The following EGFR variants were observed in gnomAD, a reference collection of about 807,000 sequenced individuals.
EGFR encodes the protein epidermal growth factor receptor.
A neutral mutation model predicts 143.0 loss-of-function variants in EGFR; 58 were observed. The observed-to-expected ratio is 0.41, with a 90% CI of 0.33 to 0.50. The LOEUF is 0.50. Ranked by LOEUF, EGFR falls within the 20% of genes least tolerant of loss-of-function variation. EGFR has a pLI of 0.39. For missense variants in EGFR, 1,307 were observed against 1,579.0 expected (o/e 0.83, Z 2.92); for synonymous variants, 613 against 594.4 (o/e 1.03, Z -0.45).
intron 1 of EGFR, among the ~76,000 whole-genome samples, chr7:55,035,919 A>C (rs1787538676): frequency 2.0e-5 from 3 of 151,934 alleles, no homozygotes; most frequent in Admixed American, 2.0e-4. Flanking sequence ...TTGTATATTT[A>C]TTTTGATATC....
chr7:55,149,890 T>C (rs1794944987), intron 4 of EGFR, among the ~76,000 whole-genome samples: 1 of 152,248 alleles, frequency 6.6e-6, no homozygotes, highest in African/African-American at 2.4e-5. Flanking sequence ...CCATGTTTTA[T>C]ATGGGTTTTT....
intron 4 of EGFR, among the ~76,000 whole-genome samples, chr7:55,149,813 T>A (rs1451496338): frequency 6.6e-6 from 1 of 152,180 alleles, no homozygotes; most frequent in Non-Finnish European, 1.5e-5. Flanking sequence ...GTTGAAAAAA[T>A]TATGCAGCAG....
chr7:55,093,815 C>T (rs1024979782), intron 1 of EGFR, among the ~76,000 whole-genome samples: 17 of 152,190 alleles, frequency 1.1e-4, no homozygotes, highest in Non-Finnish European at 8.8e-5. Flanking sequence ...CCATACATTT[C>T]TCTCGGGCAG....
intron 1 of EGFR, among the ~76,000 whole-genome samples, chr7:55,052,081 CT>C (rs1788524073): frequency 6.6e-6 from 1 of 152,202 alleles, no homozygotes; most frequent in Non-Finnish European, 1.5e-5. Flanking sequence ...TGAGAGGACC[CT>C]GGATCCCAGC....
intron 19 of EGFR, among the ~76,000 whole-genome samples, chr7:55,176,914 T>C (rs1350785889): frequency 6.8e-6 from 1 of 147,134 alleles, no homozygotes. Flanking sequence ...TAAATATATA[T>C]CTCTCTCTAA....
intron 19 of EGFR, among the ~76,000 whole-genome samples, chr7:55,178,560 G>A (rs1181293977): frequency 6.6e-6 from 1 of 152,196 alleles, no homozygotes; most frequent in Non-Finnish European, 1.5e-5. Context: ...GCTCAGGGTG[G>A]CCTCAGGTGG....
intron 1 of EGFR, among the ~76,000 whole-genome samples, chr7:55,093,596 T>G (rs992411094): frequency 6.6e-6 from 1 of 152,206 alleles, no homozygotes; most frequent in Admixed American, 6.5e-5. Flanking sequence ...TATCATAAAA[T>G]CTTCTTTCAT....
At chr7:55,091,856 AC>A (rs1791138412) in intron 1 of EGFR, among the ~76,000 whole-genome samples, 1 of 97,318 alleles carries the variant, frequency 1.0e-5, no homozygotes, top group Non-Finnish European at 2.2e-5. Flanking sequence ...AAACACACAC[AC>A]ACACACACAC....
Position 55,174,034 on chromosome 7 carries a change from G to A in EGFR, c.2175G>A (p.Thr725=), listed in dbSNP as rs55959834. The A allele has an allele frequency of 1.2e-4, 187 of 1,614,216 alleles. No individual in the cohort carries two copies. The East Asian group carries it at 2.5e-3, about 22-fold the overall frequency. Residue 725 remains threonine (T), a synonymous_variant, in exon 18 of 28, where the codon ACG becomes ACA. Transcript: ENST00000275493. ...IKVLGSGAFG[T]VYKGLWIPEG... ...TGCTGGGCTCCGGTGCGTTCGGCAC[G>A]GTGTATAAGGTAAGGTCCCTGGCAC...
At position 55,155,793 on chromosome 7, in the gene EGFR, C is replaced by T. The variant is rs201847157; in HGVS notation, c.890-37C>T. On this transcript the variant is annotated intron_variant, in intron 7 of 27. Coordinates refer to ENST00000275493, the MANE Select transcript of EGFR (RefSeq NM_005228.5). Reference sequence around the variant, plus strand: ...TGTGTGAGGCCCGAGCACCTGGTGCCACCGTCATCACCTTCCTTTCATGCT... The same window carrying T: ...TGTGTGAGGCCCGAGCACCTGGTGCTACCGTCATCACCTTCCTTTCATGCT... 9.4e-5 allele frequency: 148 copies of T among 1,578,790 alleles called. 1 individual carries two copies. The African/African-American group carries it at 1.7e-3, about 19-fold the overall frequency.
At chr7:55,190,437 G>C (rs73346615) in intron 20 of EGFR, among the ~76,000 whole-genome samples, 2,649 of 152,128 alleles carry the variant, frequency 0.017, 71 homozygotes, top group African/African-American at 0.056. Context: ...ATGATGACTG[G>C]TTTTGCCTGA....
At chr7:55,066,886 A>T (rs1789537753) in intron 1 of EGFR, among the ~76,000 whole-genome samples, 1 of 152,224 alleles carries the variant, frequency 6.6e-6, no homozygotes, top group African/African-American at 2.4e-5. Flanking sequence ...GATTTCATAT[A>T]GATATTCCAA....
rs1216879039 is a variant in EGFR, at chr7:55,192,679, C to A, written c.2626-87C>A. 4 of 1,253,224 alleles carry A rather than the reference C, an allele frequency of 3.2e-6. No individual in the cohort carries two copies. The African/African-American group carries it at 5.9e-5, about 18-fold the overall frequency. The allele number at this position is 1,253,224 out of a possible 1,614,324, so 77.6% of individuals were successfully genotyped here. ...TGATCTGGCTCGTCTGTGTGTGTCA[C>A]TCGTAATTAGGTCCAGAGTGAGTTA... On this transcript the variant is annotated intron_variant, in intron 21 of 27. Transcript: ENST00000275493.
At position 55,081,657 on chromosome 7, in the gene EGFR, G is replaced by A. The variant is rs182577144; in HGVS notation, c.89-60629G>A. 9.9e-5 allele frequency among the ~76,000 whole-genome samples: 15 copies of A among 152,006 alleles called. 1 individual carries two copies. In the South Asian group the frequency reaches 1.0e-3, roughly 11 times the overall value. ...ACCAAATCACCCACTAACCCTGGGC[G>A]AGGAGGGGCCATCACTGCACAATTC... On this transcript the variant is annotated intron_variant, in intron 1 of 27. Coordinates refer to ENST00000275493, the MANE Select transcript of EGFR (RefSeq NM_005228.5).
intron 1 of EGFR, among the ~76,000 whole-genome samples, chr7:55,104,577 G>A (rs949164929): frequency 7.9e-5 from 12 of 152,162 alleles, no homozygotes; most frequent in Non-Finnish European, 1.2e-4. Context: ...ACTGTCTACC[G>A]CATGCGGTAA....
At chr7:55,034,833 C>T (rs1348569107) in intron 1 of EGFR, among the ~76,000 whole-genome samples, 3 of 152,178 alleles carry the variant, frequency 2.0e-5, no homozygotes, top group African/African-American at 7.2e-5. Flanking sequence ...AAACACCAAA[C>T]ATGGAAAAGC....
chr7:55,142,501 G>A (rs2128926579), intron 2 of EGFR, 64 bp downstream of exon 2: 2 of 1,590,608 alleles, frequency 1.3e-6, no homozygotes, highest in Non-Finnish European at 1.7e-6. Context: ...GAAAGGCCTG[G>A]GCAGAATTCC....
At chr7:55,066,653 A>G (rs1789521094) in intron 1 of EGFR, among the ~76,000 whole-genome samples, 1 of 152,206 alleles carries the variant, frequency 6.6e-6, no homozygotes, top group Non-Finnish European at 1.5e-5. Flanking sequence ...AGTCAGCTGA[A>G]TTCCTTCCAC....
intron 1 of EGFR, among the ~76,000 whole-genome samples, chr7:55,084,389 A>G (rs1364428731): frequency 1.3e-5 from 2 of 152,344 alleles, no homozygotes; most frequent in Non-Finnish European, 2.9e-5. Flanking sequence ...ATGTGCCTCC[A>G]GGAGGGCTCA....
Sources: allele counts gnomAD v4.1 joint callset (sites outside exome capture counted in the v4.1 genomes callset), GRCh38; gene constraint gnomAD v4.1.1; transcripts MANE v1.5; gene names NCBI Gene and HGNC (gene_info 2026-07-23, HGNC 2026-07-21).